SYNGR2: variants seen among roughly 807,000 people sequenced by gnomAD.
SYNGR2 encodes synaptogyrin 2.
SYNGR2 carries 11 observed loss-of-function variants against 18.7 expected under a neutral mutation model. The observed-to-expected ratio is 0.59, with a 90% CI of 0.37 to 0.97. The LOEUF is 0.97. Among genes scored for constraint, SYNGR2 ranks in the 50% least tolerant of loss-of-function variants. The pLI, the probability that SYNGR2 is intolerant of heterozygous loss-of-function variation, is 0.01. For synonymous variants in SYNGR2, 127 were observed against 131.0 expected (o/e 0.97, Z 0.21); for missense variants, 253 against 300.7 (o/e 0.84, Z 1.17).
In SYNGR2 at chr17:78,171,490, C is replaced by T. The variant is rs2075657969; in HGVS notation, c.338-20C>T. On this transcript the variant is annotated intron_variant, in intron 2 of 3. Coordinates refer to ENST00000225777, the MANE Select transcript of SYNGR2 (RefSeq NM_004710.7). The surrounding 1 kb of genome is among the most constrained non-coding windows in gnomAD (Gnocchi z 6.6). Reference sequence around the variant, plus strand: ...CCCCTCCCTTTCCATGGAACTGACGCTTCACCCGTCCTCCCCCAGCTCTCT... The same window carrying T: ...CCCCTCCCTTTCCATGGAACTGACGTTTCACCCGTCCTCCCCCAGCTCTCT... The T allele has an allele frequency of 6.6e-7, 1 of 1,515,418 alleles. No individual in the cohort carries two copies. The highest frequency in any genetic ancestry group is 1.3e-5 in the South Asian group (1 of 74,620). 93.9% of individuals were successfully genotyped at this position (1,515,418 alleles called of 1,614,324 possible).
At chr17:78,168,824 G>C (rs1402120583) in intron 1 of SYNGR2, 109 bp downstream of exon 1, 4 of 959,552 alleles carry the variant, frequency 4.2e-6, no homozygotes, top group East Asian at 4.7e-5. Context: ...GGCCGCGTCC[G>C]GGGCCTGGCG....
upstream of SYNGR2, chr17:78,168,559 G>A: frequency 9.3e-7 from 1 of 1,079,476 alleles, no homozygotes; most frequent in African/African-American, 1.7e-5. Context: ...GGAGTCGGGC[G>A]GGGCGCCGGG....
At position 78,168,773 on chromosome 17, in the gene SYNGR2, C is replaced by T. The variant is rs971877866; in HGVS notation, c.99+58C>T. On this transcript the variant is annotated intron_variant, in intron 1 of 3. Coordinates refer to ENST00000225777, the MANE Select transcript of SYNGR2 (RefSeq NM_004710.7). The stretch of plus-strand genomic sequence containing the variant: ...TGGGGACCCCCTCTCCGTCGCCAGG[C>T]CCGGCGGGGCCCCTAGCCCACGAGC... The T allele has an allele frequency of 1.7e-4, 195 of 1,169,464 alleles. 1 individual carries two copies. Among genetic ancestry groups the T allele is most frequent in the Non-Finnish European group, 1.7e-4 (159 of 946,260 alleles). The allele number at this position is 1,169,464 out of a possible 1,614,324, so 72.4% of individuals were successfully genotyped here. A position where few individuals can be genotyped will look rare whatever the true frequency, so the allele number is the denominator to read the frequency against.
At position 78,172,083 on chromosome 17, in the gene SYNGR2, C is replaced by CA; in HGVS notation, c.*147_*148insA. 1 of 1,469,058 alleles carries CA rather than the reference C, an allele frequency of 6.8e-7. No homozygotes were observed. The allele number at this position is 1,469,058 out of a possible 1,614,324, so 91.0% of individuals were successfully genotyped here. A position where few individuals can be genotyped will look rare whatever the true frequency, so the allele number is the denominator to read the frequency against. On this transcript the variant is annotated 3_prime_UTR_variant, in exon 4 of 4. Coordinates refer to ENST00000225777, the MANE Select transcript of SYNGR2 (RefSeq NM_004710.7). ...ACAGCTAAGGAGCCTCATAGCCTGG[C>CA]GGGGGCTGGCAGAGCCACACCCCAA...
chr17:78,171,381 C>T lies in SYNGR2; in HGVS notation c.338-129C>T, dbSNP rs2075657148. The T allele has an allele frequency of 8.1e-7, 1 of 1,234,234 alleles. No individual in the cohort carries two copies. Among genetic ancestry groups the T allele is most frequent in the Non-Finnish European group, 1.1e-6 (1 of 900,690 alleles). 76.5% of individuals were successfully genotyped at this position (1,234,234 alleles called of 1,614,324 possible). ...TGGAGGTGGCTCCCGGCCCGGCTTC[C>T]AAGTCCTCCCCTCCATAGTGTGGAG... On this transcript the variant is annotated intron_variant, in intron 2 of 3. Transcript: ENST00000225777. This position sits in a 1 kb window ranked among gnomAD's most constrained non-coding sequence, Gnocchi z 6.6.
intron 1 of SYNGR2, chr17:78,170,452 A>G (rs1398570103): frequency 4.5e-6 from 1 of 223,720 alleles, no homozygotes; most frequent in East Asian, 1.2e-4. Flanking sequence ...TAATCCCAGC[A>G]CTTTGGGAGG....
chr17:78,172,441 C>A lies in SYNGR2; in HGVS notation c.*505C>A, dbSNP rs1001791632. On this transcript the variant is annotated 3_prime_UTR_variant, in exon 4 of 4. Coordinates refer to ENST00000225777, the MANE Select transcript of SYNGR2 (RefSeq NM_004710.7). Reference sequence around the variant, plus strand: ...TGCTGTATGATCTGGGGGCCACCACCCTGTGCCGGTGGCCTCTGGGCTGCC... The same window carrying A: ...TGCTGTATGATCTGGGGGCCACCACACTGTGCCGGTGGCCTCTGGGCTGCC... The A allele has an allele frequency of 2.8e-5, 5 of 181,754 alleles. No individual in the cohort carries two copies. Among genetic ancestry groups the A allele is most frequent in the African/African-American group, 1.2e-4 (5 of 42,434 alleles). 11.3% of individuals were successfully genotyped at this position (181,754 alleles called of 1,614,324 possible). A position where few individuals can be genotyped will look rare whatever the true frequency, so the allele number is the denominator to read the frequency against.
chr17:78,171,410 C>A lies in SYNGR2; in HGVS notation c.338-100C>A, dbSNP rs2075657292. Reference sequence around the variant, plus strand: ...TCCTCCCCTCCATAGTGTGGAGGCTCCCCCGGGAGGTCCCTGCCCTACCTG... The same window carrying A: ...TCCTCCCCTCCATAGTGTGGAGGCTACCCCGGGAGGTCCCTGCCCTACCTG... On this transcript the variant is annotated intron_variant, in intron 2 of 3. Coordinates refer to ENST00000225777, the MANE Select transcript of SYNGR2 (RefSeq NM_004710.7). The surrounding 1 kb of genome is among the most constrained non-coding windows in gnomAD (Gnocchi z 6.6). 1.4e-6 allele frequency: 2 copies of A among 1,413,322 alleles called. No individual in the cohort carries two copies. The highest frequency in any genetic ancestry group is 2.4e-5 in the Admixed American group (1 of 42,090). 87.5% of individuals were successfully genotyped at this position (1,413,322 alleles called of 1,614,324 possible). A position where few individuals can be genotyped will look rare whatever the true frequency, so the allele number is the denominator to read the frequency against.
At chr17:78,168,548 T>G, upstream of SYNGR2, 2 of 994,368 alleles carry the variant, frequency 2.0e-6, no homozygotes, top group Non-Finnish European at 2.6e-6. Context: ...CCCCGGCGGG[T>G]GGAGTCGGGC....
rs1307513416 is a variant in SYNGR2 at position 78,169,261 on chromosome 17, TGTGTGTG to T, written c.99+547_99+553del. 1.4e-3 allele frequency: 55 copies of T among 38,316 alleles called. 1 individual carries two copies. Among genetic ancestry groups the T allele is most frequent in the African/African-American group, 8.0e-3 (51 of 6,374 alleles). The allele number at this position is 38,316 out of a possible 1,614,324, so 2.4% of individuals were successfully genotyped here. ...AATACCTCCAAAACCAGGTTTTGTG[TGTGTGTG>T]TGTGTGGCGGGGAGGGGGCCTGTTC... On this transcript the variant is annotated intron_variant, in intron 1 of 3. Coordinates refer to ENST00000225777, the MANE Select transcript of SYNGR2 (RefSeq NM_004710.7).
At chr17:78,170,350 T>C (rs2075649169) in intron 1 of SYNGR2, 1 of 158,478 alleles carries the variant, frequency 6.3e-6, no homozygotes, top group African/African-American at 2.4e-5. Flanking sequence ...CAGGAAGCAC[T>C]TTGCTCATCA....
rs532448005 is a variant in SYNGR2, at chr17:78,168,764, G to A, written c.99+49G>A. The A allele has an allele frequency of 2.6e-4, 305 of 1,181,504 alleles. 4 individuals carry two copies. The South Asian group carries it at 0.011, about 43-fold the overall frequency. The allele number at this position is 1,181,504 out of a possible 1,614,324, so 73.2% of individuals were successfully genotyped here. A position where few individuals can be genotyped will look rare whatever the true frequency, so the allele number is the denominator to read the frequency against. On this transcript the variant is annotated intron_variant, in intron 1 of 3. Coordinates refer to ENST00000225777, the MANE Select transcript of SYNGR2 (RefSeq NM_004710.7). ...AGGGCACCCTGGGGACCCCCTCTCCGTCGCCAGGCCCGGCGGGGCCCCTAG... is the reference window on the plus strand; with the variant it reads ...AGGGCACCCTGGGGACCCCCTCTCCATCGCCAGGCCCGGCGGGGCCCCTAG...
rs1477350336 is a variant in SYNGR2, at chr17:78,170,921, C to T, written c.204C>T (p.Cys68=). Residue 68 remains cysteine (C), a synonymous_variant, in exon 2 of 4, where the codon TGC becomes TGT. Transcript: ENST00000225777. ...TGTTCAACCGCAACGAGGATGCCTG[C>T]CGCTATGGCAGTGCCATCGGGGTGC... is the stretch of plus-strand genomic sequence containing the variant. The part of the protein sequence containing the change: ...YCVFNRNEDA[C]RYGSAIGVLA... The T allele has an allele frequency of 3.1e-6, 5 of 1,613,504 alleles. No homozygotes were observed. The highest frequency in any genetic ancestry group is 4.2e-6 in the Non-Finnish European group (5 of 1,180,028).
chr17:78,172,926 G>C (rs893809680), downstream of SYNGR2: 4 of 152,252 alleles, frequency 2.6e-5, no homozygotes, highest in Non-Finnish European at 5.9e-5. Context: ...AATAGTAACT[G>C]TGCTCAGCTT....
chr17:78,170,991 T>G lies in SYNGR2; in HGVS notation c.274T>G (p.Phe92Val). ...CTTCTTCTTGGTGGTCGACGCGTAT[T>G]TCCCCCAGATCAGCAACGCCACTGA... is the stretch of plus-strand genomic sequence containing the variant. ...SAFFLVVDAY[F>V]PQISNATDRK... is the part of the protein sequence containing the mutation. The change falls in exon 2 of 4, where the codon TTC (phenylalanine) becomes GTC (valine). Residue 92 changes from phenylalanine to valine, a missense_variant. By Grantham distance (50) the Phe-to-Val change is conservative. Coordinates refer to ENST00000225777, the MANE Select transcript of SYNGR2 (RefSeq NM_004710.7). 2 of 1,606,332 alleles carry G rather than the reference T, an allele frequency of 1.2e-6. No individual in the cohort carries two copies. Among genetic ancestry groups the G allele is most frequent in the Non-Finnish European group, 1.7e-6 (2 of 1,176,336 alleles).
Position 78,171,351 on chromosome 17 carries a change from G to A in SYNGR2, c.338-159G>A. The stretch of plus-strand genomic sequence containing the variant: ...ACCCTGCCAAGGCCCGAGTGTGGGG[G>A]ACTTTGGAGGTGGCTCCCGGCCCGG... On this transcript the variant is annotated intron_variant, in intron 2 of 3. Transcript: ENST00000225777. The surrounding 1 kb of genome is among the most constrained non-coding windows in gnomAD (Gnocchi z 6.6). 1 of 898,468 alleles carries A rather than the reference G, an allele frequency of 1.1e-6. No homozygotes were observed. The highest frequency in any genetic ancestry group is 1.6e-6 in the Non-Finnish European group (1 of 609,042). The allele number at this position is 898,468 out of a possible 1,614,324, so 55.7% of individuals were successfully genotyped here.
At chr17:78,169,441 T>A (rs1167982396) in intron 1 of SYNGR2, among the ~76,000 whole-genome samples, 1 of 152,112 alleles carries the variant, frequency 6.6e-6, no homozygotes, top group Non-Finnish European at 1.5e-5. Context: ...TGGGATCTGA[T>A]CGCCTCTGTC....
chr17:78,171,433 C>T lies in SYNGR2; in HGVS notation c.338-77C>T. 2 of 1,496,628 alleles carry T rather than the reference C, an allele frequency of 1.3e-6. No homozygotes were observed. Among genetic ancestry groups the T allele is most frequent in the Non-Finnish European group, 1.8e-6 (2 of 1,120,142 alleles). 92.7% of individuals were successfully genotyped at this position (1,496,628 alleles called of 1,614,324 possible). ...CTCCCCCGGGAGGTCCCTGCCCTAC[C>T]TGCCCGCGTCCCCTCCCAGAGTCCT... On this transcript the variant is annotated intron_variant, in intron 2 of 3. Transcript: ENST00000225777. The surrounding 1 kb of genome is among the most constrained non-coding windows in gnomAD (Gnocchi z 6.6).
rs781283850 is a variant in SYNGR2, at chr17:78,171,689, G to A, written c.477+40G>A. ...GGCCGGTTCTTGGGTCAAGGGTGGT[G>A]GAGGGTGGGGTCCCCCACCCACCTG... On this transcript the variant is annotated intron_variant, in intron 3 of 3. Transcript: ENST00000225777. This position sits in a 1 kb window ranked among gnomAD's most constrained non-coding sequence, Gnocchi z 6.6. 4 of 1,612,564 alleles carry A rather than the reference G, an allele frequency of 2.5e-6. No homozygotes were observed. The highest frequency in any genetic ancestry group is 1.1e-5 in the South Asian group (1 of 91,048).
Sources: allele counts gnomAD v4.1 joint callset (sites outside exome capture counted in the v4.1 genomes callset), GRCh38; gene constraint gnomAD v4.1.1; non-coding constraint Gnocchi (gnomAD v3.1); transcripts MANE v1.5; gene names NCBI Gene and HGNC (gene_info 2026-07-23, HGNC 2026-07-21).